MAPRE2: variants seen among roughly 807,000 people sequenced by gnomAD.
The protein encoded by MAPRE2 is microtubule-associated protein RP/EB family member 2.
Under a neutral mutation model 43.2 loss-of-function variants are expected in MAPRE2, and 13 were observed. The observed-to-expected ratio is 0.30, with a 90% CI of 0.20 to 0.48. The LOEUF is 0.48. MAPRE2 is among the 20% of genes least tolerant of loss of function. The probability of loss-of-function intolerance (pLI) is 0.99; values close to 1 mark genes in which losing one functional copy is unlikely to be tolerated. For missense variants in MAPRE2, 161 were observed against 400.2 expected, an observed-to-expected ratio of 0.40 and a Z score of 5.10; for synonymous variants, 135 against 148.8, an observed-to-expected ratio of 0.91 and a Z score of 0.68.
chr18:35,049,310 C>T (rs1432177788), intron 1 of MAPRE2, among the ~76,000 whole-genome samples: 1 of 152,136 alleles, frequency 6.6e-6, no homozygotes, highest in Non-Finnish European at 1.5e-5. Flanking sequence ...TGAGCTCCTT[C>T]CCCCACTCCC....
intron 1 of MAPRE2, among the ~76,000 whole-genome samples, chr18:35,060,518 C>T (rs1168138639): frequency 6.6e-6 from 1 of 152,178 alleles, no homozygotes; most frequent in Non-Finnish European, 1.5e-5. Context: ...CTTTTACTCT[C>T]TCATTGTACA....
chr18:35,077,929 A>G (rs965146864), intron 2 of MAPRE2, among the ~76,000 whole-genome samples: 5 of 152,244 alleles, frequency 3.3e-5, no homozygotes, highest in Admixed American at 3.3e-4. Context: ...TTGAATTTTT[A>G]AAAACATGTC....
intron 4 of MAPRE2, among the ~76,000 whole-genome samples, chr18:35,110,140 A>G (rs1047921501): frequency 2.0e-5 from 3 of 152,168 alleles, no homozygotes; most frequent in African/African-American, 4.8e-5. Flanking sequence ...TTACATTTAC[A>G]TACATTATGA....
intron 4 of MAPRE2, among the ~76,000 whole-genome samples, chr18:35,116,365 A>G (rs1909412159): frequency 6.6e-6 from 1 of 152,218 alleles, no homozygotes; most frequent in Non-Finnish European, 1.5e-5. Flanking sequence ...TATTGCTACA[A>G]AAATAAAATC....
chr18:34,984,619 A>G (rs2097018072), intron 1 of MAPRE2: 1 of 151,050 alleles, frequency 6.6e-6, no homozygotes, highest in Non-Finnish European at 1.5e-5. Flanking sequence ...CTGATGGGGG[A>G]AAGGAGGAAA....
rs551480641 is a variant in MAPRE2 at position 34,990,983 on chromosome 18, G to A, written c.-70+13904G>A. ...TGAACTTGGGGACAGATAATCTGAT[G>A]GGGGGAGGATCAGCTCCTGAGCCTC... On this transcript the variant is annotated intron_variant, in intron 1 of 7. Coordinates refer to the MAPRE2 transcript ENST00000413393. Among the ~76,000 whole-genome samples the A allele has an allele frequency of 6.6e-5, 10 of 152,242 alleles. No homozygotes were observed. In the East Asian group the frequency reaches 1.7e-3, roughly 26 times the overall value.
At chr18:35,103,807 G>A (rs952454898) in intron 4 of MAPRE2, among the ~76,000 whole-genome samples, 1 of 152,158 alleles carries the variant, frequency 6.6e-6, no homozygotes, top group African/African-American at 2.4e-5. Context: ...CATCTGCTGA[G>A]AAGTCAAGTT....
At chr18:34,985,073 ATATAT>A (rs1208178161) in intron 1 of MAPRE2, among the ~76,000 whole-genome samples, 1 of 86,260 alleles carries the variant, frequency 1.2e-5, no homozygotes, top group Non-Finnish European at 2.0e-5. Flanking sequence ...ATAAAATAAA[ATATAT>A]TATAAAAATA....
At chr18:35,072,040 A>G (rs542140781) in intron 2 of MAPRE2, among the ~76,000 whole-genome samples, 2 of 152,324 alleles carry the variant, frequency 1.3e-5, no homozygotes, top group South Asian at 2.1e-4. Context: ...ATCTACTGAA[A>G]TGTCTCTAAA....
intron 2 of MAPRE2, among the ~76,000 whole-genome samples, chr18:35,029,045 C>T (rs1422815425): frequency 6.6e-6 from 1 of 152,196 alleles, no homozygotes; most frequent in East Asian, 1.9e-4. Flanking sequence ...TTGGACCCTT[C>T]ATTTCTACTT....
At chr18:35,110,127 G>A (rs1028041904) in intron 4 of MAPRE2, among the ~76,000 whole-genome samples, 2 of 151,984 alleles carry the variant, frequency 1.3e-5, no homozygotes, top group African/African-American at 4.8e-5. Flanking sequence ...GTTGTCATAT[G>A]TATTACATTT....
In MAPRE2 at chr18:35,066,848, G is replaced by A. The variant is rs534880043; in HGVS notation, c.123-3347G>A. The stretch of plus-strand genomic sequence containing the variant: ...CAAAGACAGCCACAGAGTGAAGTGC[G>A]CTTAGAAGTACCTTGCTGAAATTTG... On this transcript the variant is annotated intron_variant, in intron 1 of 6. Coordinates refer to ENST00000300249, the MANE Select transcript of MAPRE2 (RefSeq NM_014268.4). Among the ~76,000 whole-genome samples, 13 of 152,300 alleles carry A rather than the reference G, an allele frequency of 8.5e-5. No individual in the cohort carries two copies. In the South Asian group the frequency reaches 2.5e-3, roughly 29 times the overall value.
At chr18:35,063,632 GTTC>G (rs899771310) in intron 1 of MAPRE2, among the ~76,000 whole-genome samples, 14 of 152,272 alleles carry the variant, frequency 9.2e-5, no homozygotes, top group African/African-American at 3.4e-4. Flanking sequence ...TATGGAGGCT[GTTC>G]TTCTGCAGAT....
intron 4 of MAPRE2, among the ~76,000 whole-genome samples, chr18:35,114,113 G>A (rs901785828): frequency 3.3e-5 from 5 of 152,254 alleles, no homozygotes; most frequent in African/African-American, 4.8e-5. Context: ...TAAGATTTAA[G>A]GCCTGACTCT....
intron 2 of MAPRE2, among the ~76,000 whole-genome samples, chr18:35,019,753 A>G (rs888785784): frequency 2.2e-4 from 34 of 152,080 alleles, no homozygotes; most frequent in African/African-American, 8.2e-4. Context: ...CTTATAGATC[A>G]TAACTGGTTA....
At chr18:35,103,600 T>C (rs1186683450) in intron 4 of MAPRE2, among the ~76,000 whole-genome samples, 1 of 152,144 alleles carries the variant, frequency 6.6e-6, no homozygotes, top group Non-Finnish European at 1.5e-5. Context: ...CTTCCACATA[T>C]TGATGTAATG....
intron 2 of MAPRE2, among the ~76,000 whole-genome samples, chr18:35,078,149 G>A (rs1249347496): frequency 6.6e-6 from 1 of 152,146 alleles, no homozygotes; most frequent in Non-Finnish European, 1.5e-5. Context: ...AAAGACTTAA[G>A]AATTACAGAA....
rs189239487 is a variant in MAPRE2, at chr18:35,034,389, G to A, written c.-8+28836G>A. Among the ~76,000 whole-genome samples the A allele has an allele frequency of 7.6e-4, 115 of 152,044 alleles. No individual in the cohort carries two copies. The East Asian group carries it at 7.9e-3, about 10-fold the overall frequency. The stretch of plus-strand genomic sequence containing the variant: ...TTCAAGATGGATTAAAGACTTAAAC[G>A]TTAGAAACCATAAAAACCCTAGAAG... On this transcript the variant is annotated intron_variant, in intron 2 of 7. Coordinates refer to the MAPRE2 transcript ENST00000413393.
intron 1 of MAPRE2, among the ~76,000 whole-genome samples, chr18:35,065,500 T>G (rs760007118): frequency 1.1e-4 from 17 of 152,108 alleles, no homozygotes; most frequent in Non-Finnish European, 8.8e-5. Context: ...TGTTCCTCCC[T>G]TATCTCCTGC....
Sources: gnomAD v4.1 joint callset for allele counts (sites outside exome capture counted in the v4.1 genomes callset) on GRCh38, gnomAD v4.1.1 for gene constraint, MANE v1.5 for transcripts, NCBI Gene and HGNC (gene_info 2026-07-23, HGNC 2026-07-21) for gene names.